KCNK2: variants seen among roughly 807,000 people sequenced by gnomAD.
KCNK2 encodes the protein potassium channel subfamily K member 2.
In KCNK2, 21 loss-of-function variants were observed where a neutral mutation model predicts 40.5. The ratio of observed to expected loss-of-function variants is 0.52; its 90% CI spans 0.37 to 0.75. KCNK2 has a LOEUF of 0.75. Ranked by LOEUF, KCNK2 falls within the 30% of genes least tolerant of loss-of-function variation. The pLI is 0.00. For missense variants in KCNK2, 399 were observed against 531.6 expected, an observed-to-expected ratio of 0.75 and a Z score of 2.45; for synonymous variants, 191 against 202.2, an observed-to-expected ratio of 0.94 and a Z score of 0.47.
intron 6 of KCNK2, among the ~76,000 whole-genome samples, chr1:215,196,982 C>T (rs972953585): frequency 3.9e-5 from 6 of 151,906 alleles, no homozygotes; most frequent in East Asian, 3.9e-4. Context: ...TATTGTTTTG[C>T]GATACACAAA....
chr1:215,047,207 T>G (rs1231618187), intron 1 of KCNK2, among the ~76,000 whole-genome samples: 1 of 152,140 alleles, frequency 6.6e-6, no homozygotes, highest in Non-Finnish European at 1.5e-5. Context: ...GCATAAATTC[T>G]CATAATAATA....
intron 1 of KCNK2, among the ~76,000 whole-genome samples, chr1:215,053,562 A>G (rs1389496123): frequency 6.6e-6 from 1 of 152,228 alleles, no homozygotes; most frequent in Non-Finnish European, 1.5e-5. Context: ...CCTCTGGAAA[A>G]GTGATATTTC....
chr1:215,226,294 T>G (rs1297415123), intron 6 of KCNK2, among the ~76,000 whole-genome samples: 3 of 152,076 alleles, frequency 2.0e-5, no homozygotes, highest in Non-Finnish European at 4.4e-5. Context: ...TAACATATCT[T>G]TTTTGTTTGT....
intron 1 of KCNK2, among the ~76,000 whole-genome samples, chr1:215,053,044 C>T (rs1658040388): frequency 6.6e-6 from 1 of 152,008 alleles, no homozygotes; most frequent in African/African-American, 2.4e-5. Flanking sequence ...ATGTTCTCAC[C>T]TGCAGGTTTT....
At chr1:215,076,443 C>T (rs1385916470) in intron 1 of KCNK2, among the ~76,000 whole-genome samples, 1 of 152,144 alleles carries the variant, frequency 6.6e-6, no homozygotes, top group African/African-American at 2.4e-5. Context: ...ACTGTCCTCT[C>T]CAGGCTTGAC....
chr1:215,034,754 A>G (rs1287028448), intron 1 of KCNK2, among the ~76,000 whole-genome samples: 5 of 151,998 alleles, frequency 3.3e-5, no homozygotes, highest in African/African-American at 1.2e-4. Flanking sequence ...TCATTGATCT[A>G]TTTTTTATCT....
intron 2 of KCNK2, among the ~76,000 whole-genome samples, chr1:215,093,768 TAAA>T (rs1306280138): frequency 0.59 from 42,736 of 72,682 alleles, 13,445 homozygotes; most frequent in Non-Finnish European, 0.67. Flanking sequence ...TTATATAATA[TAAA>T]ATATATTATA....
chr1:215,175,991 T>G (rs547914207), intron 5 of KCNK2, among the ~76,000 whole-genome samples: 1 of 152,256 alleles, frequency 6.6e-6, no homozygotes, highest in South Asian at 2.1e-4. Context: ...GTTAGATTTC[T>G]TTTCCTTTGC....
At chr1:215,133,498 T>G (rs1363212240) in intron 3 of KCNK2, among the ~76,000 whole-genome samples, 1 of 152,192 alleles carries the variant, frequency 6.6e-6, no homozygotes, top group Non-Finnish European at 1.5e-5. Context: ...GGTGTAATGA[T>G]TATCAGAAAC....
rs191486631 is a variant in KCNK2 at position 215,030,357 on chromosome 1, T to C, written c.34+24402T>C. On this transcript the variant is annotated intron_variant, in intron 1 of 6. Coordinates refer to the KCNK2 transcript ENST00000391895. ...TTTCTCCCAGCTTGTGGCTTGTCTT[T>C]CCCTTTTCTTGATAGTCTCTTTTGC... is the stretch of plus-strand genomic sequence containing the variant. 1.2e-4 allele frequency among the ~76,000 whole-genome samples: 19 copies of C among 152,268 alleles called. 1 individual carries two copies. In the East Asian group the frequency reaches 3.7e-3, roughly 29 times the overall value.
intron 5 of KCNK2, among the ~76,000 whole-genome samples, chr1:215,182,203 C>T (rs1664247290): frequency 6.6e-6 from 1 of 152,094 alleles, no homozygotes; most frequent in Non-Finnish European, 1.5e-5. Flanking sequence ...GGAGATCTGC[C>T]TGGGTGTGGA....
At chr1:215,193,077 A>G (rs1664732094) in intron 5 of KCNK2, among the ~76,000 whole-genome samples, 1 of 152,076 alleles carries the variant, frequency 6.6e-6, no homozygotes, top group Non-Finnish European at 1.5e-5. Context: ...TATTAGCAAA[A>G]TTAAATTTCT....
chr1:215,204,614 C>A (rs12038695), intron 6 of KCNK2, among the ~76,000 whole-genome samples: 66,163 of 151,872 alleles, frequency 0.44, 17,888 homozygotes, highest in East Asian at 0.6. Flanking sequence ...TTTGGACTTT[C>A]TTCAGCAAAC....
chr1:215,053,481 A>G (rs1245326380), intron 1 of KCNK2, among the ~76,000 whole-genome samples: 1 of 152,236 alleles, frequency 6.6e-6, no homozygotes, highest in East Asian at 1.9e-4. Flanking sequence ...AAAGTGGACA[A>G]GGCAAATTAA....
At chr1:215,052,190 T>A (rs1490857422) in intron 1 of KCNK2, among the ~76,000 whole-genome samples, 1 of 151,978 alleles carries the variant, frequency 6.6e-6, no homozygotes, top group East Asian at 1.9e-4. Flanking sequence ...TAACACAGGG[T>A]GAAACCGGTG....
rs1666823630 is a variant in KCNK2, at chr1:215,235,033, C to T, written c.1169C>T (p.Thr390Ile). 6.2e-7 allele frequency: 1 copy of T among 1,613,900 alleles called. No individual in the cohort carries two copies. The highest frequency in any genetic ancestry group is 1.3e-5 in the African/African-American group (1 of 74,920). The change falls in exon 7 of 7, where the codon ACC becomes ATC. Residue 390 changes from threonine to isoleucine, a missense_variant. Around this residue, in one of 3 missense-constraint regions of KCNK2, gnomAD observed 103 missense variants for 124.3 expected, o/e 0.83. Coordinates refer to ENST00000444842, the MANE Select transcript of KCNK2 (RefSeq NM_001017425.3). ...AGGACCCTGTCAGTGAACCACCTGA[C>T]CAGCGAGAGGGATGTCTTGCCTCCC... ...CRRTLSVNHLTSERDVLPPLL... is the reference protein window; with the variant it reads ...CRRTLSVNHLISERDVLPPLL...
intron 1 of KCNK2, among the ~76,000 whole-genome samples, chr1:215,036,756 C>T (rs997638856): frequency 1.1e-4 from 17 of 151,674 alleles, no homozygotes; most frequent in Non-Finnish European, 2.5e-4. Flanking sequence ...ATTAAATTTT[C>T]CCTTGGTATT....
chr1:215,046,612 A>G (rs1202707645), intron 1 of KCNK2, among the ~76,000 whole-genome samples: 2 of 152,116 alleles, frequency 1.3e-5, no homozygotes, highest in Non-Finnish European at 2.9e-5. Flanking sequence ...CACCATATTC[A>G]TAGGTTCAGA....
chr1:215,059,199 T>G (rs1658283865), intron 1 of KCNK2, among the ~76,000 whole-genome samples: 1 of 151,986 alleles, frequency 6.6e-6, no homozygotes, highest in South Asian at 2.1e-4. Flanking sequence ...GTCCCTAGAA[T>G]TTTAGCTCCA....
Sources: gnomAD v4.1 joint callset for allele counts (sites outside exome capture counted in the v4.1 genomes callset) on GRCh38, gnomAD v4.1.1 for gene constraint, gnomAD v4.1.1 regional missense constraint, MANE v1.5 for transcripts, NCBI Gene and HGNC (gene_info 2026-07-23, HGNC 2026-07-21) for gene names.